The following RELCH variants were observed in gnomAD, a reference collection of about 807,000 sequenced individuals.
RELCH encodes RAB11 binding and LisH domain, coiled-coil and HEAT repeat containing, also known as RAB11-binding protein RELCH.
A neutral mutation model predicts 150.3 loss-of-function variants in RELCH; 41 were observed. That is an observed-to-expected ratio of 0.27 (90% CI 0.21 to 0.35). The LOEUF (loss-of-function observed/expected upper bound fraction) is 0.35, where lower values mean the gene tolerates loss of function less well. Among genes scored for constraint, RELCH ranks in the 10% least tolerant of loss-of-function variants. The probability of loss-of-function intolerance (pLI) is 1.00; values close to 1 mark genes in which losing one functional copy is unlikely to be tolerated. For synonymous variants in RELCH, 478 were observed against 531.8 expected, an observed-to-expected ratio of 0.90 and a Z score of 1.39; for missense variants, 1,092 against 1,467.8, an observed-to-expected ratio of 0.74 and a Z score of 4.18.
intron 11 of RELCH, among the ~76,000 whole-genome samples, chr18:62,249,173 T>C (rs946180285): frequency 6.6e-6 from 1 of 152,232 alleles, no homozygotes; most frequent in African/African-American, 2.4e-5. Context: ...TGATATAATT[T>C]TTCCTCTTCT....
At chr18:62,236,238 G>A (rs2041873477) in intron 10 of RELCH, among the ~76,000 whole-genome samples, 1 of 151,790 alleles carries the variant, frequency 6.6e-6, no homozygotes, top group Non-Finnish European at 1.5e-5. Context: ...TCGTTCTACT[G>A]TCATATGCCT....
At chr18:62,283,662 T>G (rs1440268838) in intron 25 of RELCH, among the ~76,000 whole-genome samples, 1 of 152,168 alleles carries the variant, frequency 6.6e-6, no homozygotes, top group Non-Finnish European at 1.5e-5. Context: ...GGTAAGTGTC[T>G]TTATAATTAG....
rs188536619 is a variant in RELCH at position 62,279,392 on chromosome 18, G to A, written c.2968-382G>A. Among the ~76,000 whole-genome samples the A allele has an allele frequency of 2.0e-5, 3 of 152,280 alleles. No individual in the cohort carries two copies. In the East Asian group the frequency reaches 5.8e-4, roughly 29 times the overall value. ...GCCCAGTTTGTACCCTGTTGGTCAT[G>A]ATAAAAGCATACCACCCTTACTTTG... On this transcript the variant is annotated intron_variant, in intron 22 of 28. Transcript: ENST00000644646.
At chr18:62,301,107 C>T (rs1261488894) in intron 28 of RELCH, 1 of 152,052 alleles carries the variant, frequency 6.6e-6, no homozygotes, top group Non-Finnish European at 1.5e-5. Flanking sequence ...GAATGGCTGA[C>T]TAGGGAGGAA....
At chr18:62,250,330 A>C (rs2042636237) in intron 11 of RELCH, among the ~76,000 whole-genome samples, 1 of 152,240 alleles carries the variant, frequency 6.6e-6, no homozygotes, top group Non-Finnish European at 1.5e-5. Flanking sequence ...GCTCTATACA[A>C]GTGTGCACCT....
At chr18:62,291,661 T>G (rs770942379) in intron 27 of RELCH, 30 bp downstream of exon 27, 1 of 1,440,660 alleles carries the variant, frequency 6.9e-7, no homozygotes, top group Non-Finnish European at 9.7e-7. Flanking sequence ...AGTGCCATAT[T>G]CATGTTTTAA....
chr18:62,295,427 C>G (rs1568447382), intron 27 of RELCH, among the ~76,000 whole-genome samples: 3 of 147,442 alleles, frequency 2.0e-5, no homozygotes, highest in Non-Finnish European at 4.5e-5. Flanking sequence ...TTCCCTACTG[C>G]TTTTTTTTTC....
rs1052014403 is a variant in RELCH at position 62,307,366 on chromosome 18, A to G, written c.*1832A>G. The G allele has an allele frequency of 4.6e-5, 7 of 152,108 alleles. No individual in the cohort carries two copies. Among genetic ancestry groups the G allele is most frequent in the African/African-American group, 1.4e-4 (6 of 41,442 alleles). 9.4% of individuals were successfully genotyped at this position (152,108 alleles called of 1,614,324 possible). On this transcript the variant is annotated 3_prime_UTR_variant, in exon 29 of 29. Coordinates refer to ENST00000644646, the MANE Select transcript of RELCH (RefSeq NM_001346231.2). Reference sequence around the variant, plus strand: ...GATTTGCTTCAAACTATAGTAGAATATGTGTATGTTTGTTATCAGGTGAAT... The same window carrying G: ...GATTTGCTTCAAACTATAGTAGAATGTGTGTATGTTTGTTATCAGGTGAAT...
At chr18:62,269,875 A>G (rs1030022724) in intron 20 of RELCH, among the ~76,000 whole-genome samples, 1 of 152,166 alleles carries the variant, frequency 6.6e-6, no homozygotes, top group Non-Finnish European at 1.5e-5. Flanking sequence ...TGGTACTCAC[A>G]AAGTTTCAAA....
At chr18:62,266,779 C>T in intron 19 of RELCH, 30 bp downstream of exon 19, 2 of 1,342,010 alleles carry the variant, frequency 1.5e-6, no homozygotes, top group Non-Finnish European at 2.1e-6. Flanking sequence ...CTTTTAAAAA[C>T]AATTGCATTT....
rs1226966311 is a variant in RELCH at position 62,298,877 on chromosome 18, T to C, written c.3530+17T>C. On this transcript the variant is annotated intron_variant, in intron 28 of 28. Transcript: ENST00000644646. The stretch of plus-strand genomic sequence containing the variant: ...GCCTCAAGGGTAAGACATTAATTCT[T>C]TTTTTAAGGCTACATGTTAACTTTA... The C allele has an allele frequency of 7.1e-7, 1 of 1,411,642 alleles. No individual in the cohort carries two copies. The highest frequency in any genetic ancestry group is 9.9e-7 in the Non-Finnish European group (1 of 1,012,448). 87.4% of individuals were successfully genotyped at this position (1,411,642 alleles called of 1,614,324 possible).
intron 11 of RELCH, among the ~76,000 whole-genome samples, chr18:62,252,354 C>CA (rs923286231): frequency 2.0e-5 from 3 of 151,516 alleles, no homozygotes; most frequent in South Asian, 2.1e-4. Context: ...GCCGTCTCTA[C>CA]AAAAAAACAC....
chr18:62,192,953 A>G (rs1382191224), intron 1 of RELCH, among the ~76,000 whole-genome samples: 1 of 152,218 alleles, frequency 6.6e-6, no homozygotes, highest in Non-Finnish European at 1.5e-5. Context: ...ATAGCATTGA[A>G]TCTATAAATT....
intron 1 of RELCH, 61 bp downstream of exon 1, chr18:62,188,092 A>G (rs987730791): frequency 1.4e-6 from 2 of 1,451,634 alleles, no homozygotes; most frequent in Non-Finnish European, 9.1e-7. Flanking sequence ...GAGTTACTGT[A>G]GGGGAGAGGG....
chr18:62,252,091 G>A (rs1037108806), intron 11 of RELCH, among the ~76,000 whole-genome samples: 1 of 151,880 alleles, frequency 6.6e-6, no homozygotes, highest in African/African-American at 2.4e-5. Context: ...CGCTTCCCAG[G>A]TTCAAGTGAT....
intron 16 of RELCH, 23 bp downstream of exon 16, chr18:62,261,681 GA>G: frequency 6.3e-7 from 1 of 1,586,660 alleles, no homozygotes; most frequent in Non-Finnish European, 8.6e-7. Flanking sequence ...AATTCTGGAA[GA>G]AAAATGTAGA....
At chr18:62,200,427 TA>T in intron 1 of RELCH, among the ~76,000 whole-genome samples, 1 of 152,312 alleles carries the variant, frequency 6.6e-6, no homozygotes, top group Non-Finnish European at 1.5e-5. Context: ...TGTACTGTCT[TA>T]ATTCCTTTTA....
intron 22 of RELCH, chr18:62,277,847 A>C: frequency 2.2e-6 from 2 of 895,372 alleles, no homozygotes; most frequent in Non-Finnish European, 2.7e-6. Flanking sequence ...CAAAAGATGC[A>C]GAAAAGAGCT....
chr18:62,279,940 T>C, intron 23 of RELCH, 84 bp downstream of exon 23: 1 of 820,342 alleles, frequency 1.2e-6, no homozygotes, highest in East Asian at 2.7e-5. Context: ...TTAAATTTAT[T>C]GAAGAATCTC....
Sources: allele counts gnomAD v4.1 joint callset (sites outside exome capture counted in the v4.1 genomes callset), GRCh38; gene constraint gnomAD v4.1.1; transcripts MANE v1.5; gene names NCBI Gene and HGNC (gene_info 2026-07-23, HGNC 2026-07-21).